The following P2RX6 variants were observed in gnomAD, a reference collection of about 807,000 sequenced individuals.
The protein encoded by P2RX6 is P2X purinoceptor 6.
Under a neutral mutation model 54.2 loss-of-function variants are expected in P2RX6, and 62 were observed. That is an observed-to-expected ratio of 1.14 (90% CI 0.93 to 1.41). The LOEUF (loss-of-function observed/expected upper bound fraction) is 1.41, where lower values mean the gene tolerates loss of function less well. Among genes scored for constraint, P2RX6 ranks in the 40% most tolerant of loss-of-function variants. The probability of loss-of-function intolerance (pLI) is 0.00; values close to 1 mark genes in which losing one functional copy is unlikely to be tolerated. For synonymous variants in P2RX6, 211 were observed against 231.9 expected (o/e 0.91, Z 0.82); for missense variants, 541 against 566.3 (o/e 0.96, Z 0.45).
intron 2 of P2RX6, among the ~76,000 whole-genome samples, chr22:21,016,371 G>A (rs1278793643): frequency 2.6e-5 from 4 of 152,078 alleles, no homozygotes; most frequent in South Asian, 2.1e-4. Context: ...GCCAAGGCAG[G>A]TGGATCACGA....
chr22:21,023,676 C>T (rs1329681408), intron 8 of P2RX6, 58 bp downstream of exon 8: 8 of 1,284,320 alleles, frequency 6.2e-6, no homozygotes, highest in Middle Eastern at 4.9e-4. Flanking sequence ...CTCACTGTGG[C>T]GGCCAGGACA....
At chr22:21,023,242 C>T in intron 6 of P2RX6, 33 bp from the exon 7 acceptor site, 3 of 1,613,960 alleles carry the variant, frequency 1.9e-6, no homozygotes, top group South Asian at 2.2e-5. Context: ...CTCCTTGTCC[C>T]CTACCTCATC....
At chr22:21,010,605 C>T (rs1925685605), upstream of P2RX6, among the ~76,000 whole-genome samples, 1 of 152,152 alleles carries the variant, frequency 6.6e-6, no homozygotes, top group African/African-American at 2.4e-5. Context: ...GGGTCAACAT[C>T]TGCATGCCTC....
chr22:21,017,363 G>A (rs1466439537), intron 2 of P2RX6, among the ~76,000 whole-genome samples: 3 of 152,190 alleles, frequency 2.0e-5, no homozygotes, highest in African/African-American at 7.2e-5. Flanking sequence ...CAGCACTGGA[G>A]GGTCAGCCTT....
At position 21,023,307 on chromosome 22, in the gene P2RX6, AT is replaced by A. The variant is rs746330653; in HGVS notation, c.675del (p.Phe225LeufsTer40). 6.8e-6 allele frequency: 11 copies of A among 1,613,644 alleles called. 1 individual carries two copies. In the South Asian group the frequency reaches 1.2e-4, roughly 18 times the overall value. ...SNALETWDPTYFKHCRYEPQF... is the reference protein window; with the variant it reads ...SNALETWDPTXFKHCRYEPQF... ...GCCTTGGAGACCTGGGACCCCACCT[AT>A]TTTAAGCACTGCCGCTATGAACCAC... On this transcript the variant is annotated frameshift_variant, in exon 7 of 12. Transcript: ENST00000413302. LOFTEE classifies it high-confidence loss of function.
At chr22:21,017,649 AG>A (rs1450849161) in intron 2 of P2RX6, among the ~76,000 whole-genome samples, 1 of 152,170 alleles carries the variant, frequency 6.6e-6, no homozygotes, top group Non-Finnish European at 1.5e-5. Context: ...CAGGAGTTAG[AG>A]GTTGCAGTGA....
At position 21,017,400 on chromosome 22, in the gene P2RX6, T is replaced by G. The variant is rs1288813665; in HGVS notation, c.316-589T>G. Among the ~76,000 whole-genome samples the G allele has an allele frequency of 3.3e-5, 5 of 152,218 alleles. No homozygotes were observed. In the East Asian group the frequency reaches 9.6e-4, roughly 29 times the overall value. ...CTTTCCAATGTCCTCGGCCACCCGT[T>G]GACCACAGACACAGCTTTCCCTCTT... On this transcript the variant is annotated intron_variant, in intron 2 of 11. Transcript: ENST00000413302.
intron 1 of P2RX6, among the ~76,000 whole-genome samples, chr22:21,015,729 G>C (rs866913385): frequency 6.6e-6 from 1 of 152,136 alleles, no homozygotes; most frequent in Admixed American, 6.5e-5. Flanking sequence ...GAAGGTGATT[G>C]TCTGAGGGCA....
intron 3 of P2RX6, 109 bp from the exon 4 acceptor site, chr22:21,022,567 T>G: frequency 1.4e-6 from 1 of 739,222 alleles, no homozygotes; most frequent in Non-Finnish European, 2.1e-6. Context: ...TTGTTTAAGG[T>G]GGGAAGGGGG....
Position 21,016,221 on chromosome 22 carries a change from A to G in P2RX6, c.315+129A>G, listed in dbSNP as rs2061851175. On this transcript the variant is annotated intron_variant, in intron 2 of 11. Transcript: ENST00000413302. ...CAGAGACGGCTGCGGGTTCTCAGGA[A>G]GGGCTTCACAGAGGAGTGGCACCTG... 6.1e-6 allele frequency: 6 copies of G among 976,078 alleles called. No individual in the cohort carries two copies. In the African/African-American group the frequency reaches 9.8e-5, roughly 16 times the overall value. The allele number at this position is 976,078 out of a possible 1,614,324, so 60.5% of individuals were successfully genotyped here.
intron 4 of P2RX6, 52 bp downstream of exon 4, chr22:21,022,803 G>T: frequency 1.3e-6 from 2 of 1,502,902 alleles, no homozygotes; most frequent in South Asian, 1.3e-5. Context: ...GGGCCGGGCT[G>T]GGATCCTGGG....
upstream of P2RX6, among the ~76,000 whole-genome samples, chr22:21,012,076 A>C (rs1480372253): frequency 6.6e-6 from 1 of 152,134 alleles, no homozygotes; most frequent in Non-Finnish European, 1.5e-5. Context: ...GCCATTTCAC[A>C]GATTGGAAAC....
chr22:21,023,211 G>C lies in P2RX6; in HGVS notation c.638+13G>C. 1 of 1,613,728 alleles carries C rather than the reference G, an allele frequency of 6.2e-7. No individual in the cohort carries two copies. The highest frequency in any genetic ancestry group is 8.5e-7 in the Non-Finnish European group (1 of 1,179,746). ...TCAACTTCTCTAAGTAAGCAGAGTG[G>C]GTCTCATCTGCCCCAAGACCCTCCT... On this transcript the variant is annotated intron_variant, in intron 6 of 11. Coordinates refer to ENST00000413302, the MANE Select transcript of P2RX6 (RefSeq NM_005446.5).
intron 3 of P2RX6, chr22:21,018,325 C>A: frequency 2.2e-6 from 1 of 457,094 alleles, no homozygotes; most frequent in South Asian, 2.1e-5. Context: ...GCCTCCAGGC[C>A]TGTGGGTGAC....
chr22:21,015,313 T>A lies in P2RX6; in HGVS notation c.139T>A (p.Phe47Ile), dbSNP rs775706164. Residue 47 changes from phenylalanine (F) to isoleucine (I), a missense_variant, in exon 1 of 12, where the codon TTT becomes ATT. Phe to Ile is a conservative substitution (Grantham distance 21, BLOSUM62 0). Transcript: ENST00000413302. ...RVGALQRLLQ[F>I]GIVVYVVGWA... is the part of the protein sequence containing the mutation. ...GGGCGCCCTGCAGAGGCTGCTGCAG[T>A]TTGGGATCGTGGTCTATGTGGTAGG... The A allele has an allele frequency of 9.0e-6, 14 of 1,561,506 alleles. No individual in the cohort carries two copies. In the Admixed American group the frequency reaches 2.9e-4, roughly 32 times the overall value.
chr22:21,018,254 C>T, intron 3 of P2RX6, 194 bp downstream of exon 3: 1 of 583,178 alleles, frequency 1.7e-6, no homozygotes, highest in East Asian at 3.0e-5. Flanking sequence ...GTAGGAAGTC[C>T]TGTGATCCCC....
At chr22:21,019,636 G>C (rs981897151) in intron 3 of P2RX6, among the ~76,000 whole-genome samples, 1 of 152,214 alleles carries the variant, frequency 6.6e-6, no homozygotes, top group Non-Finnish European at 1.5e-5. Context: ...TGAACCCAGC[G>C]GTGCTAAAGG....
chr22:21,019,456 G>T (rs1399429543), intron 3 of P2RX6, among the ~76,000 whole-genome samples: 3 of 152,192 alleles, frequency 2.0e-5, no homozygotes, highest in Admixed American at 6.5e-5. Context: ...TGGGATTACA[G>T]GTGCCCGCCA....
At chr22:21,016,750 C>T (rs528893524) in intron 2 of P2RX6, among the ~76,000 whole-genome samples, 8 of 152,182 alleles carry the variant, frequency 5.3e-5, no homozygotes, top group East Asian at 1.9e-4. Flanking sequence ...TGGGGCACTA[C>T]GGTCAGGTGC....
Sources: gnomAD v4.1 joint callset for allele counts (sites outside exome capture counted in the v4.1 genomes callset) on GRCh38, gnomAD v4.1.1 for gene constraint, MANE v1.5 for transcripts, NCBI Gene and HGNC (gene_info 2026-07-23, HGNC 2026-07-21) for gene names.